Variants in ZBED3 observed in about 807,000 individuals in gnomAD.
ZBED3 encodes zinc finger BED-type containing 3, also known as zinc finger BED domain-containing protein 3.
For synonymous variants in ZBED3, 175 were observed against 180.0 expected (o/e 0.97, Z 0.22); for missense variants, 388 against 362.9 (o/e 1.07, Z -0.56).
chr5:77,073,274 CT>C lies in ZBED3; in HGVS notation c.*3899del. On this transcript the variant is annotated 3_prime_UTR_variant, in exon 3 of 3. Coordinates refer to ENST00000255198, the MANE Select transcript of ZBED3 (RefSeq NM_032367.4). ...GAGGGAGTAGTTAAGATTCTAAATC[CT>C]TTCCTATGTTTTAATGGTTCTTACA... 1 of 152,210 alleles carries C rather than the reference CT, an allele frequency of 6.6e-6. No homozygotes were observed. The highest frequency in any genetic ancestry group is 2.1e-4 in the South Asian group (1 of 4,822). The allele number at this position is 152,210 out of a possible 1,614,324, so 9.4% of individuals were successfully genotyped here.
chr5:77,080,860 C>G (rs555450456), intron 1 of ZBED3, among the ~76,000 whole-genome samples: 1 of 152,296 alleles, frequency 6.6e-6, no homozygotes, highest in South Asian at 2.1e-4. Context: ...GTGCAGCACA[C>G]CAACATGGCA....
chr5:77,075,967 GTATATGTATATATGTATATATATATGTA>G lies in ZBED3; in HGVS notation c.*1179_*1206del, dbSNP rs1742976701. 3.3e-5 allele frequency: 1 copy of G among 30,640 alleles called. No individual in the cohort carries two copies. The highest frequency in any genetic ancestry group is 1.1e-4 in the African/African-American group (1 of 9,204). 1.9% of individuals were successfully genotyped at this position (30,640 alleles called of 1,614,324 possible). A position where few individuals can be genotyped will look rare whatever the true frequency, so the allele number is the denominator to read the frequency against. Reference sequence around the variant, plus strand: ...TACATATATATATATATATATATATGTATATGTATATATGTATATATATATGTATATATGTATATATATATGTATATAT... The same window carrying G: ...TACATATATATATATATATATATATGTATATGTATATATATATGTATATAT... On this transcript the variant is annotated 3_prime_UTR_variant, in exon 3 of 3. Transcript: ENST00000255198.
chr5:77,076,332 G>C lies in ZBED3; in HGVS notation c.*842C>G, dbSNP rs1743002686. ...TGACAGGTAGATGTGGCCTTAAGCGGAGGGATGCTTTCCCCTTCAGCCCAG... is the reference window on the plus strand; with the variant it reads ...TGACAGGTAGATGTGGCCTTAAGCGCAGGGATGCTTTCCCCTTCAGCCCAG... On this transcript the variant is annotated 3_prime_UTR_variant, in exon 3 of 3. Coordinates refer to ENST00000255198, the MANE Select transcript of ZBED3 (RefSeq NM_032367.4). 1 of 152,130 alleles carries C rather than the reference G, an allele frequency of 6.6e-6. No homozygotes were observed. The highest frequency in any genetic ancestry group is 2.1e-4 in the South Asian group (1 of 4,822). 9.4% of individuals were successfully genotyped at this position (152,130 alleles called of 1,614,324 possible).
chr5:77,074,088 A>G lies in ZBED3; in HGVS notation c.*3086T>C, dbSNP rs1742930722. 1 of 152,298 alleles carries G rather than the reference A, an allele frequency of 6.6e-6. No individual in the cohort carries two copies. The highest frequency in any genetic ancestry group is 1.5e-5 in the Non-Finnish European group (1 of 68,114). The allele number at this position is 152,298 out of a possible 1,614,324, so 9.4% of individuals were successfully genotyped here. On this transcript the variant is annotated 3_prime_UTR_variant, in exon 3 of 3. Transcript: ENST00000255198. ...AGGCAAACTGAGGCATAGAGATGCCAATACCAGGTCTTGTCAGGAAGAACA... is the reference window on the plus strand; with the variant it reads ...AGGCAAACTGAGGCATAGAGATGCCGATACCAGGTCTTGTCAGGAAGAACA...
At chr5:77,081,753 A>G (rs888468952) in intron 1 of ZBED3, among the ~76,000 whole-genome samples, 5 of 152,284 alleles carry the variant, frequency 3.3e-5, no homozygotes, top group Non-Finnish European at 7.4e-5. Context: ...AAAGGTGCCA[A>G]TGAATTTGAG....
rs985615693 is a variant in ZBED3, at chr5:77,077,248, C to CG, written c.630dup (p.Ala211ArgfsTer13). On this transcript the variant is annotated frameshift_variant, in exon 3 of 3. Transcript: ENST00000255198. LOFTEE classifies it low-confidence loss of function (END_TRUNC). ...TCGTCCTTGAGCGGCGGCGGCGCAG[C>CG]GGGGGCCCAGCCCAGGGCGCCCTCA... 1.4e-6 allele frequency: 2 copies of CG among 1,470,438 alleles called. No homozygotes were observed. Among genetic ancestry groups the CG allele is most frequent in the Admixed American group, 4.7e-5 (2 of 42,290 alleles). 91.1% of individuals were successfully genotyped at this position (1,470,438 alleles called of 1,614,324 possible).
Position 77,077,143 on chromosome 5 carries a change from G to A in ZBED3, c.*31C>T, listed in dbSNP as rs777067399. 2 of 1,367,410 alleles carry A rather than the reference G, an allele frequency of 1.5e-6. No homozygotes were observed. The highest frequency in any genetic ancestry group is 9.4e-7 in the Non-Finnish European group (1 of 1,059,540). 84.7% of individuals were successfully genotyped at this position (1,367,410 alleles called of 1,614,324 possible). ...AGGCATTGGCATTGGACGGAGAAGC[G>A]CTGTCCTGGGGTGGGGAAGTGGCCA... On this transcript the variant is annotated 3_prime_UTR_variant, in exon 3 of 3. Transcript: ENST00000255198.
At chr5:77,082,272 A>G (rs1743143121) in intron 1 of ZBED3, among the ~76,000 whole-genome samples, 1 of 151,858 alleles carries the variant, frequency 6.6e-6, no homozygotes. Flanking sequence ...TGTATTGAAA[A>G]AAAAAAAAAA....
rs1743018442 is a variant in ZBED3, at chr5:77,077,034, G to A, written c.*140C>T. On this transcript the variant is annotated 3_prime_UTR_variant, in exon 3 of 3. Coordinates refer to ENST00000255198, the MANE Select transcript of ZBED3 (RefSeq NM_032367.4). ...CAAGCTGAAGCCTTAGGGTGTGGAAGATCCTACAGTTAGCTGGAGCTTCCG... is the reference window on the plus strand; with the variant it reads ...CAAGCTGAAGCCTTAGGGTGTGGAAAATCCTACAGTTAGCTGGAGCTTCCG... 5.2e-6 allele frequency: 3 copies of A among 576,132 alleles called. No individual in the cohort carries two copies. Among genetic ancestry groups the A allele is most frequent in the South Asian group, 1.2e-4 (2 of 16,282 alleles). 35.7% of individuals were successfully genotyped at this position (576,132 alleles called of 1,614,324 possible).
Position 77,075,935 on chromosome 5 carries a change from T to TTTTTTATATATA in ZBED3, c.*1238_*1239insTATATATAAAAA, listed in dbSNP as rs1554047999. On this transcript the variant is annotated 3_prime_UTR_variant, in exon 3 of 3. Coordinates refer to ENST00000255198, the MANE Select transcript of ZBED3 (RefSeq NM_032367.4). ...GACATGCACCCTAGAACTTAAAGTA[T>TTTTTTATATATA]TATATATACATATATATATATATAT... 1 of 21,168 alleles carries TTTTTTATATATA rather than the reference T, an allele frequency of 4.7e-5. No individual in the cohort carries two copies. The highest frequency in any genetic ancestry group is 8.4e-4 in the East Asian group (1 of 1,192). The allele number at this position is 21,168 out of a possible 1,614,324, so 1.3% of individuals were successfully genotyped here. A position where few individuals can be genotyped will look rare whatever the true frequency, so the allele number is the denominator to read the frequency against.
At position 77,072,826 on chromosome 5, in the gene ZBED3, G is replaced by A. The variant is rs1742909830; in HGVS notation, c.*4348C>T. ...GAATGATTTCAGGTGAGCAGCAGGA[G>A]CCCTTAAGGCCAAAGAGACTGAAAT... On this transcript the variant is annotated 3_prime_UTR_variant, in exon 3 of 3. Coordinates refer to ENST00000255198, the MANE Select transcript of ZBED3 (RefSeq NM_032367.4). 6.6e-6 allele frequency: 1 copy of A among 152,190 alleles called. No individual in the cohort carries two copies. Among genetic ancestry groups the A allele is most frequent in the Non-Finnish European group, 1.5e-5 (1 of 68,050 alleles). 9.4% of individuals were successfully genotyped at this position (152,190 alleles called of 1,614,324 possible). A position where few individuals can be genotyped will look rare whatever the true frequency, so the allele number is the denominator to read the frequency against.
Position 77,075,950 on chromosome 5 carries a change from T to C in ZBED3, c.*1224A>G, listed in dbSNP as rs1355786448. 72 of 30,728 alleles carry C rather than the reference T, an allele frequency of 2.3e-3. 13 individuals are homozygous for C. The highest frequency in any genetic ancestry group is 7.4e-3 in the African/African-American group (66 of 8,892). The allele number at this position is 30,728 out of a possible 1,614,324, so 1.9% of individuals were successfully genotyped here. A position where few individuals can be genotyped will look rare whatever the true frequency, so the allele number is the denominator to read the frequency against. On this transcript the variant is annotated 3_prime_UTR_variant, in exon 3 of 3. Coordinates refer to ENST00000255198, the MANE Select transcript of ZBED3 (RefSeq NM_032367.4). ...ACTTAAAGTATTATATATACATATA[T>C]ATATATATATATATATGTATATGTA...
At chr5:77,078,971 A>AT (rs1743078545) in intron 1 of ZBED3, 1 of 152,254 alleles carries the variant, frequency 6.6e-6, no homozygotes, top group Non-Finnish European at 1.5e-5. Flanking sequence ...TAAGGAAGAA[A>AT]AAGAAATAAA....
At chr5:77,081,948 A>G (rs572087850) in intron 1 of ZBED3, among the ~76,000 whole-genome samples, 1 of 152,218 alleles carries the variant, frequency 6.6e-6, no homozygotes, top group Admixed American at 6.5e-5. Context: ...CCTGTGTGAT[A>G]GGGCCAGCTG....
chr5:77,081,589 A>G (rs1269918015), intron 1 of ZBED3, among the ~76,000 whole-genome samples: 1 of 151,946 alleles, frequency 6.6e-6, no homozygotes, highest in Non-Finnish European at 1.5e-5. Context: ...GGCTCAAGTG[A>G]TACACCTGCC....
Position 77,077,214 on chromosome 5 carries a change from C to T in ZBED3, c.665G>A (p.Gly222Asp), listed in dbSNP as rs868441142. Reference sequence around the variant, plus strand: ...TGTGATGACGCAGCCGTCCCTGTCACCCTCGGGGTCGTCCTTGAGCGGCGG... The same window carrying T: ...TGTGATGACGCAGCCGTCCCTGTCATCCTCGGGGTCGTCCTTGAGCGGCGG... Reference protein sequence around the residue: ...APPPLKDDPEGDRDGCVITKV... With the variant: ...APPPLKDDPEDDRDGCVITKV... Residue 222 changes from glycine to aspartate, a missense_variant, in exon 3 of 3, where the codon GGT becomes GAT. Physicochemically the swap from Gly to Asp is moderately conservative, Grantham distance 94. Coordinates refer to ENST00000255198, the MANE Select transcript of ZBED3 (RefSeq NM_032367.4). 2.7e-6 allele frequency: 4 copies of T among 1,500,684 alleles called. No individual in the cohort carries two copies. Among genetic ancestry groups the T allele is most frequent in the East Asian group, 2.8e-5 (1 of 35,930 alleles). 93.0% of individuals were successfully genotyped at this position (1,500,684 alleles called of 1,614,324 possible).
rs1742950976 is a variant in ZBED3, at chr5:77,075,139, C to G, written c.*2035G>C. 1 of 152,120 alleles carries G rather than the reference C, an allele frequency of 6.6e-6. No homozygotes were observed. Among genetic ancestry groups the G allele is most frequent in the Non-Finnish European group, 1.5e-5 (1 of 68,062 alleles). The allele number at this position is 152,120 out of a possible 1,614,324, so 9.4% of individuals were successfully genotyped here. A position where few individuals can be genotyped will look rare whatever the true frequency, so the allele number is the denominator to read the frequency against. On this transcript the variant is annotated 3_prime_UTR_variant, in exon 3 of 3. Transcript: ENST00000255198. ...ACTCGGCCTGGAGATATTCAGGAGT[C>G]CCTGGCCCAGAGGAGATTACAACTC...
At position 77,087,146 on chromosome 5, in the gene ZBED3, G is replaced by A. The variant is rs1160287004; in HGVS notation, c.-188C>T. The stretch of plus-strand genomic sequence containing the variant: ...GGGAAACGCGGCCGGAGCCGGCGGC[G>A]GGTCGGGAGTCCGAGATGGTAGATC... On this transcript the variant is annotated 5_prime_UTR_variant, in exon 1 of 3. Coordinates refer to ENST00000255198, the MANE Select transcript of ZBED3 (RefSeq NM_032367.4). 1 of 152,374 alleles carries A rather than the reference G, an allele frequency of 6.6e-6. No homozygotes were observed. The highest frequency in any genetic ancestry group is 2.4e-5 in the African/African-American group (1 of 41,464). The allele number at this position is 152,374 out of a possible 1,614,324, so 9.4% of individuals were successfully genotyped here.
At chr5:77,080,684 C>T in intron 1 of ZBED3, 2 of 488,304 alleles carry the variant, frequency 4.1e-6, no homozygotes, top group South Asian at 3.0e-5. Flanking sequence ...CAAACTATCA[C>T]AAGGACAGAA....
Sources: allele counts gnomAD v4.1 joint callset (sites outside exome capture counted in the v4.1 genomes callset), GRCh38; gene constraint gnomAD v4.1.1; transcripts MANE v1.5; gene names NCBI Gene and HGNC (gene_info 2026-07-23, HGNC 2026-07-21).